The following ANKRD36C variants were observed in gnomAD, a reference collection of about 807,000 sequenced individuals.
The protein encoded by ANKRD36C is ankyrin repeat domain-containing protein 36C.
ANKRD36C carries 61 observed loss-of-function variants against 276.4 expected under a neutral mutation model. That is an observed-to-expected ratio of 0.22 (90% CI 0.18 to 0.27). ANKRD36C has a LOEUF of 0.27. Among genes scored for constraint, ANKRD36C ranks in the 10% least tolerant of loss-of-function variants. ANKRD36C has a pLI of 1.00. For missense variants in ANKRD36C, 1,447 were observed against 2,032.3 expected (o/e 0.71, Z 5.54); for synonymous variants, 483 against 680.1 (o/e 0.71, Z 4.51).
At chr2:95,851,608 G>C (rs1323385582) in intron 66 of ANKRD36C, 86 bp downstream of exon 86, 18 of 1,170,448 alleles carry the variant, frequency 1.5e-5, no homozygotes, top group Non-Finnish European at 1.5e-5. Context: ...TTGGCCCCAA[G>C]CATTTTGGAC....
At chr2:95,851,277 A>G in intron 66 of ANKRD36C, 82 bp from the exon 87 acceptor site, 1 of 945,108 alleles carries the variant, frequency 1.1e-6, no homozygotes, top group Non-Finnish European at 1.7e-6. Context: ...GTCAAGGAGC[A>G]TCTGTACTGT....
chr2:95,930,454 C>A (rs1677534174), intron 24 of ANKRD36C, among the ~76,000 whole-genome samples: 1 of 151,634 alleles, frequency 6.6e-6, no homozygotes, highest in African/African-American at 2.4e-5. Context: ...TTTATTTATA[C>A]TCATGAAGAC....
chr2:95,935,672 A>T (rs1232888989), intron 22 of ANKRD36C, 28 bp from the exon 23 acceptor site: 1 of 1,535,274 alleles, frequency 6.5e-7, no homozygotes, highest in Non-Finnish European at 8.7e-7. Flanking sequence ...CACATAATTA[A>T]GTTTTCATAA....
At chr2:95,874,316 G>A (rs1276303519) in intron 59 of ANKRD36C, among the ~76,000 whole-genome samples, 1 of 152,112 alleles carries the variant, frequency 6.6e-6, no homozygotes, top group Non-Finnish European at 1.5e-5. Context: ...GCATGGTACT[G>A]GTACCAAAAC....
At chr2:95,985,158 G>A (rs1190884406) in intron 3 of ANKRD36C, among the ~76,000 whole-genome samples, 1 of 152,306 alleles carries the variant, frequency 6.6e-6, no homozygotes, top group East Asian at 1.9e-4. Flanking sequence ...AATTTCTAAT[G>A]ACCCTATGAA....
chr2:95,968,122 A>G (rs1170564734), intron 6 of ANKRD36C, among the ~76,000 whole-genome samples: 1 of 152,124 alleles, frequency 6.6e-6, no homozygotes, highest in Non-Finnish European at 1.5e-5. Context: ...ACTTTTGTAC[A>G]TGCCTTAGAC....
chr2:95,948,619 A>C (rs1678116908), intron 16 of ANKRD36C, 23 bp from the exon 17 acceptor site: 1 of 1,533,654 alleles, frequency 6.5e-7, no homozygotes, highest in South Asian at 1.2e-5. Context: ...AAGATATGAA[A>C]AAAATGAGCA....
intron 40 of ANKRD36C, 24 bp from the exon 43 acceptor site, chr2:95,912,459 A>C: frequency 1.2e-6 from 2 of 1,604,894 alleles, no homozygotes; most frequent in Non-Finnish European, 1.7e-6. Context: ...GGGATACATA[A>C]TCACTCACAC....
chr2:95,910,302 G>T (rs1370361236), intron 42 of ANKRD36C, 71 bp downstream of exon 46: 22 of 1,457,256 alleles, frequency 1.5e-5, no homozygotes, highest in Middle Eastern at 2.4e-4. Flanking sequence ...GCCACCCGCT[G>T]CTTTATTTGG....
chr2:95,918,876 T>G (rs974352345), intron 34 of ANKRD36C, among the ~76,000 whole-genome samples: 1 of 146,138 alleles, frequency 6.8e-6, no homozygotes, highest in African/African-American at 2.5e-5. Context: ...TTCAACATAA[T>G]TTTTGTTTCT....
intron 50 of ANKRD36C, among the ~76,000 whole-genome samples, chr2:95,887,309 T>C (rs1676223424): frequency 2.0e-5 from 3 of 151,422 alleles, no homozygotes; most frequent in Admixed American, 1.3e-4. Flanking sequence ...TAGCATTATC[T>C]CCTGCACCCA....
At chr2:95,866,972 G>C (rs570509993) in intron 60 of ANKRD36C, among the ~76,000 whole-genome samples, 1 of 152,148 alleles carries the variant, frequency 6.6e-6, no homozygotes, top group Non-Finnish European at 1.5e-5. Flanking sequence ...TATAAAGCTC[G>C]AGGACTGAAA....
intron 46 of ANKRD36C, 69 bp from the exon 67 acceptor site, chr2:95,890,063 G>T (rs1676302593): frequency 4.5e-6 from 7 of 1,551,448 alleles, no homozygotes; most frequent in Non-Finnish European, 6.2e-6. Context: ...CATTCATACA[G>T]TGTTAGCATC....
chr2:95,878,901 A>T (rs1261451236), intron 58 of ANKRD36C, among the ~76,000 whole-genome samples: 1 of 152,142 alleles, frequency 6.6e-6, no homozygotes, highest in Non-Finnish European at 1.5e-5. Flanking sequence ...AACAGTATAG[A>T]GTCCTCAAAA....
At chr2:95,984,420 CT>C (rs1382490960) in intron 3 of ANKRD36C, among the ~76,000 whole-genome samples, 1 of 152,218 alleles carries the variant, frequency 6.6e-6, no homozygotes. Flanking sequence ...GTCTCCTAAA[CT>C]TTCCATGTTG....
chr2:95,856,271 T>C, intron 62 of ANKRD36C, 91 bp from the exon 83 acceptor site: 2 of 1,580,678 alleles, frequency 1.3e-6, no homozygotes, highest in Middle Eastern at 2.3e-4. Flanking sequence ...CGAACATTTA[T>C]ACAATGAGAG....
chr2:95,878,162 A>G (rs1475348062), intron 58 of ANKRD36C, among the ~76,000 whole-genome samples: 1 of 148,810 alleles, frequency 6.7e-6, no homozygotes, highest in Non-Finnish European at 1.5e-5. Flanking sequence ...CCAGGCTGGG[A>G]GACAGAGCAA....
At chr2:95,963,971 A>ATTT (rs1678520981) in intron 6 of ANKRD36C, among the ~76,000 whole-genome samples, 1 of 49,372 alleles carries the variant, frequency 2.0e-5, no homozygotes, top group Non-Finnish European at 3.7e-5. Flanking sequence ...ATATATATAT[A>ATTT]AATATATATA....
At chr2:95,913,603 C>A (rs898007655) in intron 40 of ANKRD36C, among the ~76,000 whole-genome samples, 10 of 151,348 alleles carry the variant, frequency 6.6e-5, no homozygotes, top group East Asian at 2.0e-4. Context: ...TCAGCAGAAA[C>A]CCCAAAATTA....
Sources: allele counts gnomAD v4.1 joint callset (sites outside exome capture counted in the v4.1 genomes callset), GRCh38; gene constraint gnomAD v4.1.1; transcripts MANE v1.5; gene names NCBI Gene and HGNC (gene_info 2026-07-23, HGNC 2026-07-21).